Variants in MAML3 observed in about 807,000 individuals in gnomAD.
The protein encoded by MAML3 is mastermind-like protein 3.
A neutral mutation model predicts 101.9 loss-of-function variants in MAML3; 27 were observed. The observed-to-expected ratio is 0.27, with a 90% confidence interval of 0.20 to 0.37. MAML3 has a LOEUF of 0.37. Among genes scored for constraint, MAML3 ranks in the 10% least tolerant of loss-of-function variants. The pLI is 1.00. For synonymous variants in MAML3, 501 were observed against 555.9 expected (o/e 0.90, Z 1.39); for missense variants, 1,316 against 1,444.9 (o/e 0.91, Z 1.45).
At chr4:140,110,095 T>C (rs889556217) in intron 1 of MAML3, among the ~76,000 whole-genome samples, 8 of 152,222 alleles carry the variant, frequency 5.3e-5, no homozygotes, top group African/African-American at 1.7e-4. Flanking sequence ...ACTGTCCCTT[T>C]GCAGCCAACG....
At chr4:139,968,927 T>G (rs1014829744) in intron 1 of MAML3, among the ~76,000 whole-genome samples, 2 of 151,976 alleles carry the variant, frequency 1.3e-5, no homozygotes, top group Admixed American at 6.6e-5. Flanking sequence ...CAGAGCAGCG[T>G]GCTGCCCCAA....
chr4:140,127,027 A>G (rs1728695719), intron 1 of MAML3, among the ~76,000 whole-genome samples: 1 of 152,128 alleles, frequency 6.6e-6, no homozygotes, highest in Admixed American at 6.5e-5. Flanking sequence ...TCTCAAACCT[A>G]TCTTTCGTAT....
chr4:140,054,779 G>A (rs995166601), intron 1 of MAML3, among the ~76,000 whole-genome samples: 8 of 152,230 alleles, frequency 5.3e-5, no homozygotes, highest in Middle Eastern at 3.4e-3. Context: ...ATCTTCAGTG[G>A]CCTCCAAGGC....
chr4:140,044,026 T>C lies in MAML3; in HGVS notation c.468+108834A>G, dbSNP rs192951618. On this transcript the variant is annotated intron_variant, in intron 1 of 4. Transcript: ENST00000509479. Reference sequence around the variant, plus strand: ...ATAAATAATACCCGTTCATTTTTCATGGAGATGTTTTAAGAATAAACAAGA... The same window carrying C: ...ATAAATAATACCCGTTCATTTTTCACGGAGATGTTTTAAGAATAAACAAGA... 3.0e-3 allele frequency among the ~76,000 whole-genome samples: 459 copies of C among 152,222 alleles called. 1 individual carries two copies. The highest frequency in any genetic ancestry group is 0.011 in the African/African-American group (449 of 41,538).
chr4:140,009,196 T>C (rs1283554115), intron 1 of MAML3, among the ~76,000 whole-genome samples: 1 of 152,204 alleles, frequency 6.6e-6, no homozygotes, highest in East Asian at 1.9e-4. Flanking sequence ...GTCATGTGCA[T>C]TTTGGTCCCT....
intron 1 of MAML3, among the ~76,000 whole-genome samples, chr4:139,993,586 G>A (rs1734746639): frequency 6.6e-6 from 1 of 151,912 alleles, no homozygotes; most frequent in Non-Finnish European, 1.5e-5. Flanking sequence ...TGCACTTTGG[G>A]AGGCCGAGGA....
At chr4:140,025,369 A>C (rs551287538) in intron 1 of MAML3, among the ~76,000 whole-genome samples, 1 of 152,268 alleles carries the variant, frequency 6.6e-6, no homozygotes, top group African/African-American at 2.4e-5. Flanking sequence ...AGTATGACAA[A>C]ATCTTGGTAC....
chr4:139,873,550 A>G (rs1319336830), intron 2 of MAML3, among the ~76,000 whole-genome samples: 1 of 152,244 alleles, frequency 6.6e-6, no homozygotes, highest in Admixed American at 6.5e-5. Flanking sequence ...AACAATGAAG[A>G]AACGAAGGTG....
At chr4:139,794,841 G>A (rs997995431) in intron 2 of MAML3, among the ~76,000 whole-genome samples, 3 of 152,142 alleles carry the variant, frequency 2.0e-5, no homozygotes, top group African/African-American at 7.2e-5. Flanking sequence ...TTCTGTCTTC[G>A]TACTGCTTAA....
rs530539533 is a variant in MAML3, at chr4:140,096,289, G to A, written c.468+56571C>T. Among the ~76,000 whole-genome samples the A allele has an allele frequency of 3.3e-5, 5 of 152,308 alleles. No homozygotes were observed. The Middle Eastern group carries it at 0.01, about 311-fold the overall frequency. On this transcript the variant is annotated intron_variant, in intron 1 of 4. Transcript: ENST00000509479. ...CAGGACAGGAAACTGGAGATGATTA[G>A]ACATCCTTTATTCTCCAAGGCTGTG...
chr4:139,925,157 C>T (rs1257254504), intron 1 of MAML3, among the ~76,000 whole-genome samples: 2 of 152,044 alleles, frequency 1.3e-5, no homozygotes, highest in Non-Finnish European at 2.9e-5. Context: ...TTAACCATCC[C>T]GAGAAATGAC....
At chr4:139,776,452 G>C (rs896897203) in intron 2 of MAML3, among the ~76,000 whole-genome samples, 3 of 152,290 alleles carry the variant, frequency 2.0e-5, no homozygotes, top group East Asian at 3.9e-4. Flanking sequence ...TAAGTGATTA[G>C]AAAGCACTCC....
chr4:140,143,465 G>T (rs1729007929), intron 1 of MAML3, among the ~76,000 whole-genome samples: 1 of 152,128 alleles, frequency 6.6e-6, no homozygotes, highest in Admixed American at 6.6e-5. Context: ...TCTGTGAGGT[G>T]AAAAGAATGA....
intron 2 of MAML3, among the ~76,000 whole-genome samples, chr4:139,877,403 C>T (rs766717389): frequency 1.3e-4 from 20 of 151,058 alleles, no homozygotes; most frequent in African/African-American, 4.1e-4. Flanking sequence ...AGTTAATGAA[C>T]GATGACATAA....
chr4:140,037,086 T>C (rs1191743285), intron 1 of MAML3, among the ~76,000 whole-genome samples: 1 of 151,924 alleles, frequency 6.6e-6, no homozygotes, highest in Non-Finnish European at 1.5e-5. Flanking sequence ...ATTAATTCAC[T>C]GGTATCTTTT....
At chr4:139,915,138 T>C (rs1733002482) in intron 1 of MAML3, among the ~76,000 whole-genome samples, 2 of 152,164 alleles carry the variant, frequency 1.3e-5, no homozygotes, top group Admixed American at 6.5e-5. Context: ...TGTTGCAAAA[T>C]ATTCTGGATA....
chr4:139,980,017 C>T (rs899961826), intron 1 of MAML3, among the ~76,000 whole-genome samples: 10 of 152,150 alleles, frequency 6.6e-5, no homozygotes, highest in African/African-American at 2.4e-4. Flanking sequence ...TATTTTCTCT[C>T]TGGACTATCT....
At chr4:139,728,680 C>T (rs1325208265) in intron 3 of MAML3, among the ~76,000 whole-genome samples, 1 of 152,174 alleles carries the variant, frequency 6.6e-6, no homozygotes, top group Non-Finnish European at 1.5e-5. Context: ...TTGTCTTTCC[C>T]AAGAAGCCCC....
chr4:139,933,730 C>T (rs1044517476), intron 1 of MAML3, among the ~76,000 whole-genome samples: 1 of 152,150 alleles, frequency 6.6e-6, no homozygotes, highest in Admixed American at 6.5e-5. Flanking sequence ...TTTGGCCAAT[C>T]AAACTTCAGG....
Sources: gnomAD v4.1 joint callset for allele counts (sites outside exome capture counted in the v4.1 genomes callset) on GRCh38, gnomAD v4.1.1 for gene constraint, MANE v1.5 for transcripts, NCBI Gene and HGNC (gene_info 2026-07-23, HGNC 2026-07-21) for gene names.